Variants in ARHGDIB observed in about 807,000 individuals in gnomAD.
The protein encoded by ARHGDIB is Rho GDP dissociation inhibitor beta.
In ARHGDIB, 20 loss-of-function variants were observed where a neutral mutation model predicts 22.6. That is an observed-to-expected ratio of 0.88 (90% CI 0.62 to 1.28). The LOEUF (loss-of-function observed/expected upper bound fraction) is 1.28. Among genes scored for constraint, ARHGDIB ranks in the 50% most tolerant of loss-of-function variants. The pLI is 0.00. For synonymous variants in ARHGDIB, 114 were observed against 96.1 expected, an observed-to-expected ratio of 1.19 and a Z score of -1.09; for missense variants, 254 against 245.4, an observed-to-expected ratio of 1.04 and a Z score of -0.23.
Position 14,950,442 on chromosome 12 carries a change from C to T in ARHGDIB, c.181+90G>A, listed in dbSNP as rs7969666. ...CACTTTTTCCTGGAAGCAGTTGGTC[C>T]TCTTCCCTTTGCTGCTGCTCCTGAG... On this transcript the variant is annotated intron_variant, in intron 2 of 5. Coordinates refer to ENST00000228945, the MANE Select transcript of ARHGDIB (RefSeq NM_001175.7). The T allele has an allele frequency of 5.0e-3, 6,087 of 1,208,064 alleles. 257 individuals carry two copies. In the African/African-American group the frequency reaches 0.082, roughly 16 times the overall value. The allele number at this position is 1,208,064 out of a possible 1,614,324, so 74.8% of individuals were successfully genotyped here.
At chr12:14,953,284 A>C (rs997819908) in intron 1 of ARHGDIB, among the ~76,000 whole-genome samples, 1 of 152,226 alleles carries the variant, frequency 6.6e-6, no homozygotes, top group African/African-American at 2.4e-5. Flanking sequence ...TAATTATAGC[A>C]TAAGAAAAAG....
At chr12:14,948,726 T>C (rs1179543496) in intron 3 of ARHGDIB, 3 of 152,180 alleles carry the variant, frequency 2.0e-5, no homozygotes, top group Admixed American at 2.0e-4. Context: ...CTTGCAATAC[T>C]ACCAGGTCCT....
At chr12:14,950,424 T>C in intron 2 of ARHGDIB, 108 bp downstream of exon 2, 1 of 952,080 alleles carries the variant, frequency 1.1e-6, no homozygotes. Context: ...GCTCACTTTT[T>C]CCTGGAAGCA....
Position 14,950,632 on chromosome 12 carries a change from T to C in ARHGDIB, c.81A>G (p.Pro27=), listed in dbSNP as rs190562188. 1 of 1,614,098 alleles carries C rather than the reference T, an allele frequency of 6.2e-7. No individual in the cohort carries two copies. Among genetic ancestry groups the C allele is most frequent in the Non-Finnish European group, 8.5e-7 (1 of 1,179,956 alleles). ...GCAGCTCTTTCAGGGACTTCTGTGG[T>C]GGAGGCTTATAATTGAGCTTGCTGT... ...ELDSKLNYKP[P]PQKSLKELQE... Residue 27 remains proline (P), a synonymous_variant, in exon 2 of 6, where the codon CCA becomes CCG. Coordinates refer to ENST00000228945, the MANE Select transcript of ARHGDIB (RefSeq NM_001175.7).
intron 1 of ARHGDIB, chr12:14,956,094 T>C (rs930016815): frequency 1.3e-5 from 2 of 152,196 alleles, no homozygotes; most frequent in Non-Finnish European, 1.5e-5. Context: ...TGTCTGACTT[T>C]TAGGCACTAT....
intron 1 of ARHGDIB, among the ~76,000 whole-genome samples, chr12:14,959,092 C>T (rs958245966): frequency 2.0e-5 from 3 of 152,194 alleles, no homozygotes; most frequent in Non-Finnish European, 4.4e-5. Flanking sequence ...CCCTGCACTT[C>T]AGCTCGGGTG....
chr12:14,944,696 G>T, intron 5 of ARHGDIB, 80 bp downstream of exon 5: 1 of 1,377,028 alleles, frequency 7.3e-7, no homozygotes, highest in Non-Finnish European at 1.0e-6. Context: ...TGAGTCTATA[G>T]CTAAAAGTTG....
intron 1 of ARHGDIB, among the ~76,000 whole-genome samples, chr12:14,953,748 C>T (rs2031731638): frequency 6.6e-6 from 1 of 152,020 alleles, no homozygotes; most frequent in African/African-American, 2.4e-5. Context: ...GGAACATAAC[C>T]TCAAAACTAT....
At position 14,947,950 on chromosome 12, in the gene ARHGDIB, C is replaced by A; in HGVS notation, c.266-1G>T. The A allele has an allele frequency of 6.2e-7, 1 of 1,608,268 alleles. No individual in the cohort carries two copies. Among genetic ancestry groups the A allele is most frequent in the African/African-American group, 1.3e-5 (1 of 74,878 alleles). On this transcript the variant is annotated splice_acceptor_variant, in intron 3 of 5. Transcript: ENST00000228945. LOFTEE classifies it high-confidence loss of function. ...TCCTTTTTGAGGGCTTCCAGATCTC[C>A]TGTAGAAGAAGATTTAGAGAGAGTT...
chr12:14,953,646 A>T (rs2120739436), intron 1 of ARHGDIB, among the ~76,000 whole-genome samples: 1 of 151,858 alleles, frequency 6.6e-6, no homozygotes, highest in East Asian at 1.9e-4. Flanking sequence ...AAAAAAAAAC[A>T]GATAAACCCA....
chr12:14,954,585 T>G (rs1389550714), intron 1 of ARHGDIB, among the ~76,000 whole-genome samples: 1 of 152,220 alleles, frequency 6.6e-6, no homozygotes, highest in Non-Finnish European at 1.5e-5. Flanking sequence ...CCCTGTTAAC[T>G]GAATGTTGCA....
intron 1 of ARHGDIB, among the ~76,000 whole-genome samples, chr12:14,956,788 A>T (rs2120756006): frequency 6.6e-6 from 1 of 152,366 alleles, no homozygotes; most frequent in Non-Finnish European, 1.5e-5. Context: ...TCAGCAAAGC[A>T]CTGGCAAGCA....
chr12:14,959,361 C>G lies in ARHGDIB; in HGVS notation c.-13+2176G>C. ...TGAGCCTCCTGAGTAGGTAGGACCA[C>G]AGGCACGCACCACCATGCCCTGTGA... On this transcript the variant is annotated intron_variant, in intron 1 of 5. Coordinates refer to ENST00000228945, the MANE Select transcript of ARHGDIB (RefSeq NM_001175.7). 1.3e-5 allele frequency among the ~76,000 whole-genome samples: 2 copies of G among 152,194 alleles called. 1 individual carries two copies. Among genetic ancestry groups the G allele is most frequent in the Non-Finnish European group, 2.9e-5 (2 of 68,030 alleles).
At chr12:14,946,227 T>C (rs926715135) in intron 4 of ARHGDIB, among the ~76,000 whole-genome samples, 1 of 152,130 alleles carries the variant, frequency 6.6e-6, no homozygotes, top group African/African-American at 2.4e-5. Context: ...GTGAGAGCTG[T>C]GGAAGTCAGA....
chr12:14,955,353 T>A (rs1284541771), intron 1 of ARHGDIB, among the ~76,000 whole-genome samples: 1 of 152,194 alleles, frequency 6.6e-6, no homozygotes, highest in Admixed American at 6.5e-5. Context: ...AGAGTAATGG[T>A]CTGGATTCTA....
intron 5 of ARHGDIB, among the ~76,000 whole-genome samples, chr12:14,943,628 T>C (rs563805058): frequency 6.6e-6 from 1 of 152,106 alleles, no homozygotes; most frequent in East Asian, 1.9e-4. Flanking sequence ...TGAGAATTCA[T>C]GGATAGAATA....
chr12:14,946,506 C>A (rs1864017720), intron 4 of ARHGDIB, among the ~76,000 whole-genome samples: 1 of 152,178 alleles, frequency 6.6e-6, no homozygotes, highest in Non-Finnish European at 1.5e-5. Flanking sequence ...CTAATTGTAG[C>A]ACCATGCTGG....
intron 1 of ARHGDIB, among the ~76,000 whole-genome samples, chr12:14,955,223 G>A (rs538072682): frequency 1.3e-5 from 2 of 152,290 alleles, no homozygotes; most frequent in Admixed American, 6.5e-5. Flanking sequence ...GCAATGTTGT[G>A]AGGTAGGCAC....
intron 1 of ARHGDIB, among the ~76,000 whole-genome samples, chr12:14,955,787 A>G (rs1864287731): frequency 6.6e-6 from 1 of 152,184 alleles, no homozygotes; most frequent in Non-Finnish European, 1.5e-5. Flanking sequence ...TATTTTATGG[A>G]TGTGTGTTGA....
Sources: allele counts gnomAD v4.1 joint callset (sites outside exome capture counted in the v4.1 genomes callset), GRCh38; gene constraint gnomAD v4.1.1; transcripts MANE v1.5; gene names NCBI Gene and HGNC (gene_info 2026-07-23, HGNC 2026-07-21).